Variants in TRPM5 observed in about 807,000 individuals in gnomAD.
TRPM5 encodes the protein MLSN1 and TRP-related.
Under a neutral mutation model 124.9 loss-of-function variants are expected in TRPM5, and 121 were observed. That is an observed-to-expected ratio of 0.97 (90% confidence interval 0.84 to 1.13). TRPM5 has a LOEUF of 1.13. Ranked by LOEUF, TRPM5 falls within the 50% of genes most tolerant of loss-of-function variation. The pLI, the probability that TRPM5 is intolerant of heterozygous loss-of-function variation, is 0.00. For synonymous variants in TRPM5, 781 were observed against 700.5 expected (o/e 1.11, Z -1.81); for missense variants, 1,643 against 1,589.1 (o/e 1.03, Z -0.58).
At chr11:2,411,986 C>T (rs1850462538) in intron 16 of TRPM5, 149 bp downstream of exon 21, 1 of 903,740 alleles carries the variant, frequency 1.1e-6, no homozygotes, top group Non-Finnish European at 1.7e-6. Flanking sequence ...GCTGCTGCCT[C>T]AACTTCCCTG....
chr11:2,432,999 A>C, the TRPM5 span, among the ~76,000 whole-genome samples: 2 of 152,244 alleles, frequency 1.3e-5, no homozygotes, highest in Non-Finnish European at 2.9e-5. Flanking sequence ...AGTGGAGACC[A>C]GGAGTCCGGG....
chr11:2,426,801 G>A (rs1017608750), upstream of TRPM5, among the ~76,000 whole-genome samples: 32 of 152,318 alleles, frequency 2.1e-4, no homozygotes, highest in African/African-American at 6.0e-4. Context: ...AGGTCCCTGC[G>A]TGCAGCAGGC....
At chr11:2,411,902 T>C in intron 16 of TRPM5, 135 bp from the exon 22 acceptor site, 1 of 1,138,416 alleles carries the variant, frequency 8.8e-7, no homozygotes, top group South Asian at 1.5e-5. Flanking sequence ...GCTTCATCTT[T>C]TGTTTATTTA....
intron 4 of TRPM5, among the ~76,000 whole-genome samples, 173 bp from the exon 10 acceptor site, chr11:2,418,764 G>A (rs1845725459): frequency 1.3e-5 from 2 of 152,218 alleles, no homozygotes; most frequent in Non-Finnish European, 2.9e-5. Flanking sequence ...TGCCATATGA[G>A]GGCCGAGGGC....
intron 1 of TRPM5, 32 bp from the exon 7 acceptor site, chr11:2,422,353 G>A (rs112700123): frequency 3.3e-5 from 53 of 1,586,450 alleles, no homozygotes; most frequent in Non-Finnish European, 3.9e-5. Flanking sequence ...CAGGGCTTTC[G>A]GGGCACGGGG....
chr11:2,442,208 T>C, the TRPM5 span, among the ~76,000 whole-genome samples: 4 of 152,312 alleles, frequency 2.6e-5, no homozygotes, highest in East Asian at 1.9e-4. The surrounding 1 kb of genome is among the most constrained non-coding windows in gnomAD (Gnocchi z 5.9). Flanking sequence ...AACTTGACAA[T>C]GAACAATAGT....
chr11:2,425,853 G>A (rs924887077), upstream of TRPM5, among the ~76,000 whole-genome samples: 4 of 152,136 alleles, frequency 2.6e-5, no homozygotes, highest in African/African-American at 7.2e-5. Context: ...TGTTATCCTC[G>A]CCTTCCCCAT....
the TRPM5 span, among the ~76,000 whole-genome samples, chr11:2,430,556 G>A: frequency 2.6e-5 from 4 of 151,956 alleles, no homozygotes; most frequent in South Asian, 4.2e-4. Context: ...TGGTGGCAGC[G>A]GTGAGGGTGG....
chr11:2,406,187 G>A, intron 21 of TRPM5, 96 bp from the exon 27 acceptor site: 1 of 1,386,792 alleles, frequency 7.2e-7, no homozygotes, highest in Non-Finnish European at 1.0e-6. Context: ...GTGTGCCCGA[G>A]TTTGGGGTGC....
At chr11:2,411,408 A>C in exon 18 of TRPM5, 1 of 1,612,030 alleles carries the variant, frequency 6.2e-7, no homozygotes, top group Non-Finnish European at 8.5e-7. Context: ...CCGGTAGAGC[A>C]CCCGGCGGAA....
the TRPM5 span, among the ~76,000 whole-genome samples, chr11:2,429,096 GGTA>G: frequency 1.3e-5 from 2 of 150,116 alleles, no homozygotes; most frequent in Non-Finnish European, 3.0e-5. The surrounding 1 kb of genome is among the most constrained non-coding windows in gnomAD (Gnocchi z 8.4). Flanking sequence ...TAGTGGAGGT[GGTA>G]GTAATGATGA....
chr11:2,412,823 C>CT lies in TRPM5; in HGVS notation c.2285dup (p.Ser765LeufsTer47). ...GGGTGACCTCGGGCCCTGAGGGGCC[C>CT]TGGGGGGGCGGCCTGAAGTCCACCA... is the stretch of plus-strand genomic sequence containing the variant. On this transcript the variant is annotated frameshift_variant, in exon 15 of 24. Coordinates refer to ENST00000155858, the Ensembl canonical transcript of TRPM5. LOFTEE classifies it high-confidence loss of function. The CT allele has an allele frequency of 6.2e-7, 1 of 1,603,924 alleles. No individual in the cohort carries two copies. Among genetic ancestry groups the CT allele is most frequent in the South Asian group, 1.1e-5 (1 of 89,630 alleles).
chr11:2,413,545 G>A (rs755160656), exon 13 of TRPM5: 33 of 1,612,478 alleles, frequency 2.0e-5, no homozygotes, highest in East Asian at 4.5e-5. Flanking sequence ...CAGGATGGGC[G>A]TGCCTGCGGC....
chr11:2,406,286 G>A (rs1405351721), intron 21 of TRPM5, among the ~76,000 whole-genome samples, 195 bp from the exon 27 acceptor site: 1 of 152,144 alleles, frequency 6.6e-6, no homozygotes, highest in Non-Finnish European at 1.5e-5. Flanking sequence ...AGCGCTCTAT[G>A]CCTTCCCAGT....
At chr11:2,422,892 T>C in intron 1 of TRPM5, 28 bp downstream of exon 6, 1 of 1,590,486 alleles carries the variant, frequency 6.3e-7, no homozygotes, top group Non-Finnish European at 8.6e-7. Context: ...AAGGCGGACA[T>C]CACCTGAGGC....
the TRPM5 span, among the ~76,000 whole-genome samples, chr11:2,433,298 C>A: frequency 6.6e-6 from 1 of 152,258 alleles, no homozygotes; most frequent in Non-Finnish European, 1.5e-5. Flanking sequence ...GGAAGACGTC[C>A]CCCTACCCTG....
chr11:2,407,787 G>A (rs1356885037), exon 19 of TRPM5: 2 of 1,613,904 alleles, frequency 1.2e-6, no homozygotes, highest in Admixed American at 1.7e-5. Context: ...AGGTTCATGA[G>A]CAGCACATTG....
chr11:2,414,857 G>C lies in TRPM5; in HGVS notation c.1621-19C>G, dbSNP rs987397013. 6.3e-7 allele frequency: 1 copy of C among 1,589,786 alleles called. No homozygotes were observed. On this transcript the variant is annotated intron_variant, in intron 10 of 23. Coordinates refer to ENST00000155858, the Ensembl canonical transcript of TRPM5. ...CCTGGCCCTACGAGACCTGGTCTCAGGAGGCCGCCCCTCCCCTGCCCCCGC... is the reference window on the plus strand; with the variant it reads ...CCTGGCCCTACGAGACCTGGTCTCACGAGGCCGCCCCTCCCCTGCCCCCGC...
intron 12 of TRPM5, 52 bp downstream of exon 17, chr11:2,414,009 G>GGGGGGGGGCCCCCCCCCCCCCCC: frequency 9.8e-7 from 1 of 1,023,734 alleles, no homozygotes; most frequent in Non-Finnish European, 1.4e-6. Context: ...GGCCCAGCTC[G>GGGGGGGGGCCCCCCCCCCCCCCC]CCCGCCCACC....
Sources: allele counts gnomAD v4.1 joint callset (sites outside exome capture counted in the v4.1 genomes callset), GRCh38; gene constraint gnomAD v4.1.1; non-coding constraint Gnocchi (gnomAD v3.1); transcripts MANE v1.5; gene names NCBI Gene and HGNC (gene_info 2026-07-23, HGNC 2026-07-21).